Variants in CCM2 observed in about 807,000 individuals in gnomAD.
The protein encoded by CCM2 is cerebral cavernous malformations 2 protein.
A neutral mutation model predicts 44.9 loss-of-function variants in CCM2; 25 were observed. The ratio of observed to expected loss-of-function variants is 0.56; its 90% CI spans 0.41 to 0.78. The LOEUF (loss-of-function observed/expected upper bound fraction) is 0.78. Among genes scored for constraint, CCM2 ranks in the 30% least tolerant of loss-of-function variants. The pLI is 0.00. For missense variants in CCM2, 481 were observed against 580.6 expected (o/e 0.83, Z 1.76); for synonymous variants, 219 against 241.1 (o/e 0.91, Z 0.85).
intron 2 of CCM2, among the ~76,000 whole-genome samples, chr7:45,046,726 AC>A (rs1373990646): frequency 1.3e-5 from 2 of 152,222 alleles, no homozygotes; most frequent in African/African-American, 4.8e-5. Context: ...AAAAGAAAAA[AC>A]TGATAAACTG....
At chr7:45,066,907 T>TC (rs1798805104) in intron 4 of CCM2, among the ~76,000 whole-genome samples, 1 of 151,934 alleles carries the variant, frequency 6.6e-6, no homozygotes, top group African/African-American at 2.4e-5. Flanking sequence ...GTAAATTTTT[T>TC]TTTTTTTTTT....
chr7:45,024,215 A>G (rs1420070930), intron 1 of CCM2, among the ~76,000 whole-genome samples: 6 of 152,304 alleles, frequency 3.9e-5, no homozygotes, highest in Admixed American at 2.6e-4. Context: ...TCTTCAGCTG[A>G]TTATAATGTT....
At chr7:45,008,129 G>A (rs796644456) in intron 1 of CCM2, among the ~76,000 whole-genome samples, 25 of 145,870 alleles carry the variant, frequency 1.7e-4, no homozygotes, top group African/African-American at 6.4e-4. Context: ...TGCAGGCTCC[G>A]CCTCCTGGGT....
At chr7:45,039,346 G>T (rs1797370904) in intron 2 of CCM2, among the ~76,000 whole-genome samples, 1 of 152,210 alleles carries the variant, frequency 6.6e-6, no homozygotes, top group African/African-American at 2.4e-5. Context: ...CTGCAACCAG[G>T]CCTTTCCCAC....
intron 5 of CCM2, 144 bp downstream of exon 5, chr7:45,068,723 C>T (rs1798909095): frequency 1.9e-6 from 2 of 1,067,250 alleles, no homozygotes; most frequent in Admixed American, 2.0e-5. Flanking sequence ...GTCCCTGCCT[C>T]ACCCTAGTCT....
chr7:45,075,755 G>C, intron 9 of CCM2, 22 bp from the exon 10 acceptor site: 1 of 1,613,490 alleles, frequency 6.2e-7, no homozygotes, highest in East Asian at 2.2e-5. Flanking sequence ...GAGGTGCCAT[G>C]CTGGGTGTTG....
chr7:45,030,281 A>G (rs762850761), intron 1 of CCM2, among the ~76,000 whole-genome samples: 5 of 152,194 alleles, frequency 3.3e-5, no homozygotes, highest in African/African-American at 1.2e-4. Context: ...GGCATACTCA[A>G]TCAAATACAT....
intron 2 of CCM2, among the ~76,000 whole-genome samples, chr7:45,042,825 T>C (rs1797574683): frequency 6.6e-6 from 1 of 152,170 alleles, no homozygotes; most frequent in Admixed American, 6.6e-5. Flanking sequence ...AAAAAAGTCT[T>C]TAGGCCCAAA....
intron 1 of CCM2, chr7:45,029,394 C>G (rs1796853432): frequency 6.6e-6 from 1 of 152,186 alleles, no homozygotes; most frequent in South Asian, 2.1e-4. Context: ...CAGAGACATG[C>G]TGGGTACTGC....
At chr7:45,073,158 G>A in intron 7 of CCM2, 1 of 572,910 alleles carries the variant, frequency 1.7e-6, no homozygotes, top group Non-Finnish European at 3.1e-6. Context: ...CTCCATTCCT[G>A]CCACCTCCCC....
intron 2 of CCM2, among the ~76,000 whole-genome samples, chr7:45,060,906 T>TC (rs752240359): frequency 1.9e-4 from 29 of 152,232 alleles, no homozygotes; most frequent in Non-Finnish European, 2.5e-4. Context: ...AATCTGGTAG[T>TC]TCCAAAATCT....
intron 1 of CCM2, among the ~76,000 whole-genome samples, chr7:45,002,086 C>T (rs529415654): frequency 1.3e-5 from 2 of 152,320 alleles, no homozygotes; most frequent in Admixed American, 1.3e-4. Flanking sequence ...CAGAACCTTC[C>T]TGCTCAGCTA....
At chr7:45,033,322 C>T (rs927528154) in intron 1 of CCM2, among the ~76,000 whole-genome samples, 1 of 152,114 alleles carries the variant, frequency 6.6e-6, no homozygotes, top group African/African-American at 2.4e-5. Context: ...ACCTGTACAT[C>T]AACATTAAAA....
At chr7:45,062,739 T>C (rs1257975070) in intron 2 of CCM2, among the ~76,000 whole-genome samples, 1 of 151,584 alleles carries the variant, frequency 6.6e-6, no homozygotes, top group Non-Finnish European at 1.5e-5. Flanking sequence ...GGTGGGACAA[T>C]TGCTTTGAGC....
intron 1 of CCM2, among the ~76,000 whole-genome samples, chr7:45,003,967 C>T (rs936741346): frequency 1.3e-5 from 2 of 151,960 alleles, no homozygotes; most frequent in Admixed American, 1.3e-4. Flanking sequence ...ATCACTTGAG[C>T]CTAGGAGTTT....
intron 2 of CCM2, among the ~76,000 whole-genome samples, chr7:45,061,154 T>A (rs976222569): frequency 2.0e-5 from 3 of 152,334 alleles, no homozygotes; most frequent in South Asian, 4.1e-4. Context: ...TAGGTGTGCA[T>A]CCCTGTTATT....
At chr7:45,011,115 G>A (rs1796048221) in intron 1 of CCM2, among the ~76,000 whole-genome samples, 1 of 151,932 alleles carries the variant, frequency 6.6e-6, no homozygotes, top group Non-Finnish European at 1.5e-5. Context: ...TCAGAGCTCA[G>A]TATAACCTCA....
intron 1 of CCM2, among the ~76,000 whole-genome samples, chr7:45,010,414 T>G (rs1397882237): frequency 6.6e-6 from 1 of 152,236 alleles, no homozygotes; most frequent in Non-Finnish European, 1.5e-5. Flanking sequence ...TAGAACTTCA[T>G]ACAGATGGAT....
chr7:45,052,428 T>C (rs1393371017), intron 2 of CCM2, among the ~76,000 whole-genome samples: 1 of 152,198 alleles, frequency 6.6e-6, no homozygotes, highest in African/African-American at 2.4e-5. Context: ...TGGGAACCCT[T>C]TCTGAGGCTG....
Sources: allele counts gnomAD v4.1 joint callset (sites outside exome capture counted in the v4.1 genomes callset), GRCh38; gene constraint gnomAD v4.1.1; transcripts MANE v1.5; gene names NCBI Gene and HGNC (gene_info 2026-07-23, HGNC 2026-07-21).